Variants in NTRK3 observed in about 807,000 individuals in gnomAD.
The protein encoded by NTRK3 is NT-3 growth factor receptor.
Under a neutral mutation model 91.7 loss-of-function variants are expected in NTRK3, and 24 were observed. The observed-to-expected ratio is 0.26, with a 90% CI of 0.19 to 0.37. The LOEUF (loss-of-function observed/expected upper bound fraction) is 0.37, where lower values mean the gene tolerates loss of function less well. NTRK3 is among the 10% of genes least tolerant of loss of function. NTRK3 has a pLI of 1.00. For synonymous variants in NTRK3, 483 were observed against 404.0 expected (o/e 1.20, Z -2.34); for missense variants, 880 against 1,068.9 (o/e 0.82, Z 2.46).
At chr15:87,884,586 T>C (rs1405326139) in intron 17 of NTRK3, among the ~76,000 whole-genome samples, 3 of 151,774 alleles carry the variant, frequency 2.0e-5, no homozygotes, top group African/African-American at 7.2e-5. Flanking sequence ...GTTATGAATA[T>C]ACTCTCCAAA....
intron 11 of NTRK3, among the ~76,000 whole-genome samples, chr15:88,128,030 G>T (rs2053470557): frequency 6.6e-6 from 1 of 152,146 alleles, no homozygotes; most frequent in Non-Finnish European, 1.5e-5. Flanking sequence ...AGCCGAGGGT[G>T]TTTCTAAACA....
intron 3 of NTRK3, among the ~76,000 whole-genome samples, chr15:88,232,600 G>C (rs371963208): frequency 1.2e-4 from 19 of 152,258 alleles, no homozygotes; most frequent in African/African-American, 4.6e-4. Context: ...TGGCCCTCTA[G>C]ACACTTGGCT....
intron 17 of NTRK3, 44 bp from the exon 19 acceptor site, chr15:87,880,472 C>A (rs2141470445): frequency 6.2e-7 from 1 of 1,600,218 alleles, no homozygotes; most frequent in South Asian, 1.1e-5. Flanking sequence ...ACCAGATGGC[C>A]AGAATGAGTG....
chr15:88,077,096 A>G (rs2083605851), intron 13 of NTRK3, among the ~76,000 whole-genome samples: 1 of 152,116 alleles, frequency 6.6e-6, no homozygotes, highest in African/African-American at 2.4e-5. Context: ...TCCATCAAAT[A>G]AATAAATAAA....
At chr15:87,976,416 C>T (rs1174426151) in intron 14 of NTRK3, among the ~76,000 whole-genome samples, 1 of 152,228 alleles carries the variant, frequency 6.6e-6, no homozygotes, top group African/African-American at 2.4e-5. Context: ...TTCCACATTA[C>T]TTTACTTGTC....
chr15:88,157,244 A>T (rs1435942184), intron 5 of NTRK3, among the ~76,000 whole-genome samples: 1 of 151,578 alleles, frequency 6.6e-6, no homozygotes, highest in Non-Finnish European at 1.5e-5. Context: ...CACACACACC[A>T]CACTACACAC....
chr15:88,194,108 C>T (rs534962122), intron 3 of NTRK3, among the ~76,000 whole-genome samples: 4 of 152,256 alleles, frequency 2.6e-5, no homozygotes, highest in Non-Finnish European at 5.9e-5. Flanking sequence ...GTTAACCACT[C>T]TTTCTTCCTT....
exon 2 of NTRK3, chr15:88,256,331 C>T (rs2054056492): frequency 3.1e-6 from 2 of 649,830 alleles, no homozygotes; most frequent in Admixed American, 2.4e-5. Context: ...GCGTCTGAAA[C>T]CATCGCGGAC....
chr15:88,161,637 G>C (rs1243183282), intron 5 of NTRK3, among the ~76,000 whole-genome samples: 1 of 152,218 alleles, frequency 6.6e-6, no homozygotes, highest in Non-Finnish European at 1.5e-5. Context: ...GCATGGAGGA[G>C]AGCATAGGGA....
intron 17 of NTRK3, chr15:87,927,362 G>A (rs544261750): frequency 6.6e-4 from 101 of 152,268 alleles, no homozygotes; most frequent in African/African-American, 2.3e-3. Context: ...CTGTTTTAAC[G>A]TCTGAGTGAT....
At chr15:87,973,178 G>A (rs761493039) in intron 14 of NTRK3, among the ~76,000 whole-genome samples, 1 of 152,166 alleles carries the variant, frequency 6.6e-6, no homozygotes, top group Non-Finnish European at 1.5e-5. Flanking sequence ...TGTGATAGAA[G>A]GAAAATGTGC....
intron 5 of NTRK3, among the ~76,000 whole-genome samples, chr15:88,167,055 C>T (rs185564585): frequency 3.8e-4 from 58 of 152,256 alleles, no homozygotes; most frequent in Non-Finnish European, 7.2e-4. Flanking sequence ...GCCAGCATTT[C>T]CAAAGCACCT....
At chr15:88,130,799 T>C (rs1289563059) in intron 10 of NTRK3, among the ~76,000 whole-genome samples, 1 of 152,158 alleles carries the variant, frequency 6.6e-6, no homozygotes. Context: ...CAACGCAGTG[T>C]GTAATTCTGA....
chr15:87,980,225 A>C (rs2074104543), intron 14 of NTRK3, among the ~76,000 whole-genome samples: 1 of 152,204 alleles, frequency 6.6e-6, no homozygotes. Flanking sequence ...CCATGGACTG[A>C]GTTAGGATAT....
rs147332871 is a variant in NTRK3, at chr15:88,094,526, G to T, written c.1396+31745C>A. 5.6e-3 allele frequency among the ~76,000 whole-genome samples: 833 copies of T among 148,420 alleles called. 5 individuals carry two copies. The highest frequency in any genetic ancestry group is 8.8e-3 in the Non-Finnish European group (591 of 67,328). ...AAGAATAAAAAGAAGTCTGCCAGCA[G>T]CGTCCCCAAAGCAGACCCCTCCCAC... On this transcript the variant is annotated intron_variant, in intron 13 of 18. Transcript: ENST00000394480.
intron 13 of NTRK3, among the ~76,000 whole-genome samples, chr15:88,125,063 T>G (rs899195968): frequency 2.6e-5 from 4 of 152,232 alleles, no homozygotes; most frequent in African/African-American, 9.6e-5. Context: ...CACTGCAGCC[T>G]TGACCTCCTG....
At chr15:88,063,684 C>G (rs1325820607) in intron 13 of NTRK3, among the ~76,000 whole-genome samples, 1 of 152,200 alleles carries the variant, frequency 6.6e-6, no homozygotes, top group Non-Finnish European at 1.5e-5. Flanking sequence ...AGGCACATAT[C>G]TATTTTATCT....
chr15:88,115,690 T>A (rs559681561), intron 13 of NTRK3, among the ~76,000 whole-genome samples: 2 of 152,124 alleles, frequency 1.3e-5, no homozygotes, highest in Non-Finnish European at 2.9e-5. Flanking sequence ...CTGCCAACTA[T>A]GCAACTCTTA....
At chr15:88,006,618 G>A (rs1040371121) in intron 14 of NTRK3, among the ~76,000 whole-genome samples, 3 of 152,184 alleles carry the variant, frequency 2.0e-5, no homozygotes, top group Non-Finnish European at 4.4e-5. Context: ...CTGCCCCATG[G>A]GATGGCATGA....
Sources: gnomAD v4.1 joint callset for allele counts (sites outside exome capture counted in the v4.1 genomes callset) on GRCh38, gnomAD v4.1.1 for gene constraint, MANE v1.5 for transcripts, NCBI Gene and HGNC (gene_info 2026-07-23, HGNC 2026-07-21) for gene names.